The following NBEA variants were observed in gnomAD, a reference collection of about 807,000 sequenced individuals.
NBEA encodes lysosomal-trafficking regulator 2.
NBEA carries 44 observed loss-of-function variants against 343.4 expected under a neutral mutation model. The observed-to-expected ratio is 0.13, with a 90% CI of 0.10 to 0.16. The LOEUF (loss-of-function observed/expected upper bound fraction) is 0.16, where lower values mean the gene tolerates loss of function less well. NBEA is among the 10% of genes least tolerant of loss of function. NBEA has a pLI of 1.00. For missense variants in NBEA, 2,555 were observed against 3,631.3 expected, an observed-to-expected ratio of 0.70 and a Z score of 7.62; for synonymous variants, 1,175 against 1,238.7, an observed-to-expected ratio of 0.95 and a Z score of 1.08.
intron 1 of NBEA, among the ~76,000 whole-genome samples, chr13:35,022,406 G>A (rs17051805): frequency 0.043 from 6,505 of 152,074 alleles, 246 homozygotes; most frequent in African/African-American, 0.097. Context: ...TATAACACAG[G>A]AAATTGCCAA....
rs2045328687 is a variant in NBEA, at chr13:35,434,722, G to T, written c.6304+2329G>T. ...AGGTGAGTGGGAAGCTCTCCCTGGA[G>T]TGATCTATACGTAGAAGTAGAGGGA... On this transcript the variant is annotated intron_variant, in intron 39 of 58. Coordinates refer to ENST00000379939, the MANE Select transcript of NBEA (RefSeq NM_001385012.1). 2.6e-5 allele frequency among the ~76,000 whole-genome samples: 4 copies of T among 152,338 alleles called. No individual in the cohort carries two copies. The South Asian group carries it at 8.3e-4, about 32-fold the overall frequency.
At chr13:35,668,149 A>G (rs1422361805) in intron 57 of NBEA, among the ~76,000 whole-genome samples, 1 of 152,148 alleles carries the variant, frequency 6.6e-6, no homozygotes, top group Admixed American at 6.6e-5. Context: ...GATCTTTTGT[A>G]TATGTAAGAA....
chr13:35,260,167 CAA>C (rs1454510301), intron 34 of NBEA, among the ~76,000 whole-genome samples: 1 of 152,124 alleles, frequency 6.6e-6, no homozygotes, highest in East Asian at 1.9e-4. Context: ...CATGAAATAA[CAA>C]AGTCAGTCTT....
intron 32 of NBEA, among the ~76,000 whole-genome samples, chr13:35,210,465 C>G (rs924782896): frequency 2.6e-5 from 4 of 152,112 alleles, no homozygotes; most frequent in African/African-American, 9.7e-5. Flanking sequence ...AGATGTCCCT[C>G]AACTCCACAG....
At chr13:35,228,492 T>A (rs923391199) in intron 33 of NBEA, among the ~76,000 whole-genome samples, 3 of 152,064 alleles carry the variant, frequency 2.0e-5, no homozygotes, top group Non-Finnish European at 4.4e-5. Context: ...ATAATGTACA[T>A]GATACCCATT....
intron 39 of NBEA, among the ~76,000 whole-genome samples, chr13:35,450,356 A>T (rs985856029): frequency 5.3e-5 from 8 of 152,016 alleles, no homozygotes; most frequent in Non-Finnish European, 1.2e-4. Flanking sequence ...GCATTGTGGT[A>T]TACATCTGTG....
At chr13:35,070,901 G>C in intron 10 of NBEA, 49 bp downstream of exon 10, 1 of 1,595,422 alleles carries the variant, frequency 6.3e-7, no homozygotes. Flanking sequence ...ACACACTTAA[G>C]ACTATGCATG....
chr13:35,657,006 C>T (rs975293799), intron 55 of NBEA, among the ~76,000 whole-genome samples: 3 of 152,194 alleles, frequency 2.0e-5, no homozygotes, highest in Non-Finnish European at 4.4e-5. Context: ...AACTGAATTG[C>T]ACATCCACCC....
At chr13:34,949,436 T>G (rs1156783460) in intron 1 of NBEA, among the ~76,000 whole-genome samples, 6 of 152,230 alleles carry the variant, frequency 3.9e-5, no homozygotes, top group Non-Finnish European at 7.3e-5. Flanking sequence ...AACAAAGGCC[T>G]GCATTCTTTT....
chr13:35,479,539 A>G (rs1474861753), intron 41 of NBEA, among the ~76,000 whole-genome samples: 1 of 152,170 alleles, frequency 6.6e-6, no homozygotes, highest in African/African-American at 2.4e-5. Flanking sequence ...ATTTTTGTGC[A>G]GTTCAGCCGA....
At chr13:35,025,528 G>C (rs1352440140) in intron 1 of NBEA, among the ~76,000 whole-genome samples, 1 of 152,086 alleles carries the variant, frequency 6.6e-6, no homozygotes, top group Non-Finnish European at 1.5e-5. Context: ...TGGTCTGTGT[G>C]TCTGTTTTTG....
intron 8 of NBEA, among the ~76,000 whole-genome samples, chr13:35,062,213 G>A (rs771160942): frequency 4.0e-5 from 6 of 151,710 alleles, no homozygotes; most frequent in Non-Finnish European, 8.9e-5. Flanking sequence ...GGCAATTCTA[G>A]AACTGAAAAA....
intron 33 of NBEA, among the ~76,000 whole-genome samples, chr13:35,212,359 TTTTA>T (rs905594967): frequency 2.0e-5 from 3 of 152,306 alleles, no homozygotes; most frequent in South Asian, 2.1e-4. Flanking sequence ...TTTATTCTCC[TTTTA>T]TTTATTTATG....
chr13:35,323,704 T>TA (rs1392737449), intron 36 of NBEA, among the ~76,000 whole-genome samples: 1 of 151,878 alleles, frequency 6.6e-6, no homozygotes, highest in East Asian at 1.9e-4. Context: ...CCCTAAAACT[T>TA]AAAGTATAAT....
intron 38 of NBEA, among the ~76,000 whole-genome samples, chr13:35,405,446 T>C (rs2043225521): frequency 6.6e-6 from 1 of 152,146 alleles, no homozygotes; most frequent in African/African-American, 2.4e-5. Flanking sequence ...CTTCTATCAG[T>C]TTTACAAAAT....
chr13:35,276,332 T>C (rs529161778), intron 34 of NBEA, among the ~76,000 whole-genome samples: 97 of 152,148 alleles, frequency 6.4e-4, no homozygotes, highest in Non-Finnish European at 1.2e-3. Flanking sequence ...AGAATTACCC[T>C]CAGGCATCTG....
intron 7 of NBEA, among the ~76,000 whole-genome samples, chr13:35,056,985 A>G (rs1443453225): frequency 6.6e-6 from 1 of 152,130 alleles, no homozygotes; most frequent in East Asian, 1.9e-4. Context: ...TAGCAGGGGA[A>G]GAATTGACAC....
chr13:35,054,727 T>C (rs1566216346), intron 6 of NBEA, among the ~76,000 whole-genome samples: 1 of 144,398 alleles, frequency 6.9e-6, no homozygotes, highest in Non-Finnish European at 1.5e-5. Context: ...CACTGCAACC[T>C]CTGCCTCCCA....
chr13:35,299,411 C>T (rs2036384141), intron 35 of NBEA, among the ~76,000 whole-genome samples: 1 of 152,072 alleles, frequency 6.6e-6, no homozygotes, highest in Admixed American at 6.5e-5. Flanking sequence ...GAGATTTCTT[C>T]GACTAGTCCA....
Sources: allele counts gnomAD v4.1 joint callset (sites outside exome capture counted in the v4.1 genomes callset), GRCh38; gene constraint gnomAD v4.1.1; transcripts MANE v1.5; gene names NCBI Gene and HGNC (gene_info 2026-07-23, HGNC 2026-07-21).